The following RANBP3L variants were observed in gnomAD, a reference collection of about 807,000 sequenced individuals.
The protein encoded by RANBP3L is RAN binding protein 3 like.
In RANBP3L, 56 loss-of-function variants were observed where a neutral mutation model predicts 67.2. The observed-to-expected ratio is 0.83, with a 90% CI of 0.67 to 1.04. RANBP3L has a LOEUF of 1.04. RANBP3L is among the 50% of genes least tolerant of loss of function. The pLI is 0.00. For synonymous variants in RANBP3L, 164 were observed against 181.4 expected (o/e 0.90, Z 0.77); for missense variants, 496 against 535.5 (o/e 0.93, Z 0.73).
intron 11 of RANBP3L, among the ~76,000 whole-genome samples, chr5:36,255,179 C>T (rs1748880824): frequency 2.0e-5 from 3 of 152,074 alleles, no homozygotes; most frequent in African/African-American, 7.2e-5. Flanking sequence ...CTCAATAAGT[C>T]ATGAACTACA....
chr5:36,268,764 G>T (rs7715317), intron 4 of RANBP3L, among the ~76,000 whole-genome samples: 2 of 151,640 alleles, frequency 1.3e-5, no homozygotes, highest in South Asian at 2.1e-4. Flanking sequence ...CCTGGAGTGC[G>T]GTGGAGCAAT....
intron 1 of RANBP3L, among the ~76,000 whole-genome samples, chr5:36,288,197 C>G (rs1373948897): frequency 6.6e-6 from 1 of 152,174 alleles, no homozygotes; most frequent in East Asian, 1.9e-4. Context: ...GTTCTGATGT[C>G]TATCACCATG....
intron 2 of RANBP3L, 35 bp from the exon 3 acceptor site, chr5:36,270,025 T>A: frequency 6.3e-7 from 1 of 1,593,884 alleles, no homozygotes; most frequent in Non-Finnish European, 8.6e-7. Context: ...GAGAGCTGAG[T>A]ATTTGCCTTT....
chr5:36,258,450 GA>G (rs767102523), intron 8 of RANBP3L, among the ~76,000 whole-genome samples: 67 of 152,240 alleles, frequency 4.4e-4, no homozygotes, highest in Non-Finnish European at 8.7e-4. Context: ...CTGAGGCACA[GA>G]AAGTTTAAAT....
At chr5:36,265,692 G>C (rs1172248839) in intron 4 of RANBP3L, among the ~76,000 whole-genome samples, 172 bp from the exon 5 acceptor site, 1 of 152,220 alleles carries the variant, frequency 6.6e-6, no homozygotes, top group Non-Finnish European at 1.5e-5. Flanking sequence ...GGGATTGCCA[G>C]CCAGGCGCGG....
intron 12 of RANBP3L, among the ~76,000 whole-genome samples, chr5:36,252,304 G>T (rs577923039): frequency 4.6e-5 from 7 of 151,998 alleles, no homozygotes; most frequent in African/African-American, 1.7e-4. Context: ...ATAAATTATG[G>T]TCCATAATAG....
intron 1 of RANBP3L, among the ~76,000 whole-genome samples, chr5:36,286,579 C>A (rs755641410): frequency 6.6e-6 from 1 of 152,274 alleles, no homozygotes; most frequent in South Asian, 2.1e-4. Context: ...CCATTCCCCT[C>A]AGAATTTCTG....
At chr5:36,291,518 T>G (rs569637535) in intron 1 of RANBP3L, among the ~76,000 whole-genome samples, 16 of 152,232 alleles carry the variant, frequency 1.1e-4, no homozygotes, top group African/African-American at 3.9e-4. Context: ...CATCTAGCAT[T>G]AGGTATATCT....
rs1416548668 is a variant in RANBP3L, at chr5:36,260,796, A to G, written c.653T>C (p.Met218Thr). 10 of 1,533,972 alleles carry G rather than the reference A, an allele frequency of 6.5e-6. No homozygotes were observed. The highest frequency in any genetic ancestry group is 3.4e-5 in the South Asian group (3 of 87,612). Residue 218 changes from methionine to threonine, a missense_variant, in exon 8 of 14, where the codon ATG becomes ACG. Met to Thr is a moderately conservative substitution (Grantham distance 81). Transcript: ENST00000296604. ...CSSNFVFGEN[M>T]VERVLGTQKL... Reference sequence around the variant, plus strand: ...AAATCTTACCAAAACTCTTTCTACCATGTTTTCTCCAAAAACAAAATTGGA... The same window carrying G: ...AAATCTTACCAAAACTCTTTCTACCGTGTTTTCTCCAAAAACAAAATTGGA...
At chr5:36,278,159 T>C (rs1405813681) in intron 1 of RANBP3L, among the ~76,000 whole-genome samples, 3 of 152,166 alleles carry the variant, frequency 2.0e-5, no homozygotes, top group Non-Finnish European at 4.4e-5. Flanking sequence ...CTGGGGGAAG[T>C]GCCTCATTCT....
chr5:36,276,256 A>G (rs1181378609), intron 1 of RANBP3L, among the ~76,000 whole-genome samples: 1 of 152,168 alleles, frequency 6.6e-6, no homozygotes, highest in East Asian at 1.9e-4. Context: ...CTTGGCCTTC[A>G]CCTTTACTCA....
chr5:36,252,798 C>T (rs1748688988), intron 12 of RANBP3L, among the ~76,000 whole-genome samples: 1 of 152,050 alleles, frequency 6.6e-6, no homozygotes, highest in Non-Finnish European at 1.5e-5. Flanking sequence ...TGTACATCAT[C>T]TTACCAGAAC....
chr5:36,281,169 A>G (rs1750945182), intron 1 of RANBP3L, among the ~76,000 whole-genome samples: 1 of 152,192 alleles, frequency 6.6e-6, no homozygotes, highest in Admixed American at 6.6e-5. Context: ...GAGCTGGGGC[A>G]TGTCATTTGA....
At position 36,277,438 on chromosome 5, in the gene RANBP3L, A is replaced by G. The variant is rs1380908580; in HGVS notation, c.92-6127T>C. Among the ~76,000 whole-genome samples, 468 of 82,200 alleles carry G rather than the reference A, an allele frequency of 5.7e-3. 2 individuals are homozygous for G. The highest frequency in any genetic ancestry group is 0.022 in the African/African-American group (448 of 20,362). The allele number at this position is 82,200 out of a possible 152,430, so 53.9% of individuals were successfully genotyped here. On this transcript the variant is annotated intron_variant, in intron 1 of 13. Coordinates refer to ENST00000296604, the MANE Select transcript of RANBP3L (RefSeq NM_145000.5). Reference sequence around the variant, plus strand: ...TCTCTCTCTCTATATATATATATATATATGTGTGTGTGTGTGTGTGTGTGT... The same window carrying G: ...TCTCTCTCTCTATATATATATATATGTATGTGTGTGTGTGTGTGTGTGTGT...
At chr5:36,271,888 A>G (rs1466307921) in intron 1 of RANBP3L, among the ~76,000 whole-genome samples, 2 of 152,166 alleles carry the variant, frequency 1.3e-5, no homozygotes, top group Admixed American at 6.5e-5. Flanking sequence ...CCTTATTAAT[A>G]TTTTGTATTT....
At chr5:36,285,638 T>A (rs1751268436) in intron 1 of RANBP3L, among the ~76,000 whole-genome samples, 1 of 152,340 alleles carries the variant, frequency 6.6e-6, no homozygotes, top group Admixed American at 6.5e-5. Flanking sequence ...AATTAGTATG[T>A]GAATGTTAGA....
intron 4 of RANBP3L, 78 bp from the exon 5 acceptor site, chr5:36,265,598 A>G (rs1176754763): frequency 2.5e-6 from 2 of 801,166 alleles, no homozygotes; most frequent in South Asian, 1.7e-5. Context: ...TAACAATCCC[A>G]TTCCGAACTC....
chr5:36,246,925 GA>G lies in RANBP3L; in HGVS notation c.*2728del, dbSNP rs2111554931. The stretch of plus-strand genomic sequence containing the variant: ...ATGGAAAATAATATTTTTTAAGAGA[GA>G]ACATTTTAATTGTCTATAATTAGGG... On this transcript the variant is annotated 3_prime_UTR_variant, in exon 14 of 14. Coordinates refer to ENST00000296604, the MANE Select transcript of RANBP3L (RefSeq NM_145000.5). 6.6e-6 allele frequency among the ~76,000 whole-genome samples: 1 copy of G among 152,252 alleles called. No individual in the cohort carries two copies. Among genetic ancestry groups the G allele is most frequent in the South Asian group, 2.1e-4 (1 of 4,812 alleles).
intron 6 of RANBP3L, among the ~76,000 whole-genome samples, chr5:36,262,432 ACC>A (rs1447588713): frequency 6.6e-6 from 1 of 152,122 alleles, no homozygotes; most frequent in Non-Finnish European, 1.5e-5. Context: ...CCTGGGAAAC[ACC>A]CTAAGAATGT....
Sources: allele counts gnomAD v4.1 joint callset (sites outside exome capture counted in the v4.1 genomes callset), GRCh38; gene constraint gnomAD v4.1.1; transcripts MANE v1.5; gene names NCBI Gene and HGNC (gene_info 2026-07-23, HGNC 2026-07-21).